The following EFCAB11 variants were observed in gnomAD, a reference collection of about 807,000 sequenced individuals.
EFCAB11 encodes the protein EF-hand calcium-binding domain-containing protein 11.
EFCAB11 carries 14 observed loss-of-function variants against 23.0 expected under a neutral mutation model. The observed-to-expected ratio is 0.61, with a 90% confidence interval of 0.40 to 0.95. The LOEUF (loss-of-function observed/expected upper bound fraction) is 0.95, where lower values mean the gene tolerates loss of function less well. Among genes scored for constraint, EFCAB11 ranks in the 40% least tolerant of loss-of-function variants. The probability of loss-of-function intolerance (pLI) is 0.00; values close to 1 mark genes in which losing one functional copy is unlikely to be tolerated. For missense variants in EFCAB11, 198 were observed against 195.8 expected, an observed-to-expected ratio of 1.01 and a Z score of -0.07; for synonymous variants, 65 against 66.6, an observed-to-expected ratio of 0.98 and a Z score of 0.11.
rs75150035 is a variant in EFCAB11 at position 89,837,009 on chromosome 14, G to A, written c.411-39685C>T. 615 of 455,530 alleles carry A rather than the reference G, an allele frequency of 1.4e-3. 7 individuals carry two copies. The highest frequency in any genetic ancestry group is 9.0e-3 in the South Asian group (581 of 64,474). 28.2% of individuals were successfully genotyped at this position (455,530 alleles called of 1,614,324 possible). On this transcript the variant is annotated intron_variant, in intron 5 of 5. Coordinates refer to ENST00000316738, the MANE Select transcript of EFCAB11 (RefSeq NM_145231.4). ...TGTACTCCAGCCTGGGCGACAGAGC[G>A]ATACACTTGCCTGAGAATCTGCACA...
chr14:89,843,204 AC>A (rs1238283006), intron 5 of EFCAB11, among the ~76,000 whole-genome samples: 1 of 152,128 alleles, frequency 6.6e-6, no homozygotes, highest in Non-Finnish European at 1.5e-5. Context: ...AAAACTGAGA[AC>A]TCTAGAAACT....
rs1332907226 is a variant in EFCAB11 at position 89,943,795 on chromosome 14, T to C, written c.217+6302A>G. Reference sequence around the variant, plus strand: ...TTGCTAGGCTATTTTACTCCTTTTCTTGAATGTTTGTGGTCTTGAGTTTCT... The same window carrying C: ...TTGCTAGGCTATTTTACTCCTTTTCCTGAATGTTTGTGGTCTTGAGTTTCT... On this transcript the variant is annotated intron_variant, in intron 3 of 5. Transcript: ENST00000316738. Among the ~76,000 whole-genome samples, 3 of 152,282 alleles carry C rather than the reference T, an allele frequency of 2.0e-5. No homozygotes were observed. The East Asian group carries it at 5.8e-4, about 29-fold the overall frequency.
At chr14:89,818,031 T>C (rs1441662748) in intron 5 of EFCAB11, among the ~76,000 whole-genome samples, 1 of 151,650 alleles carries the variant, frequency 6.6e-6, no homozygotes, top group African/African-American at 2.4e-5. Context: ...AAATAAAAAA[T>C]TGCAGTTGGG....
At chr14:89,857,511 C>CT (rs67661065) in intron 5 of EFCAB11, among the ~76,000 whole-genome samples, 111,247 of 151,776 alleles carry the variant, frequency 0.73, 41,305 homozygotes, top group Non-Finnish European at 0.81. Flanking sequence ...CCTGGTCTTT[C>CT]TTTTTTTTCT....
chr14:89,892,444 A>G (rs1889001938), intron 5 of EFCAB11: 2 of 1,543,962 alleles, frequency 1.3e-6, no homozygotes, highest in Non-Finnish European at 8.7e-7. Context: ...GCCAGTGTTG[A>G]CTCTAGGAGA....
chr14:89,905,198 G>A (rs1490520250), intron 5 of EFCAB11, among the ~76,000 whole-genome samples: 2 of 152,126 alleles, frequency 1.3e-5, no homozygotes, highest in African/African-American at 4.8e-5. Context: ...AAGGCTTGGA[G>A]GATTCACAGG....
At chr14:89,805,007 G>T (rs940437860) in intron 5 of EFCAB11, among the ~76,000 whole-genome samples, 7 of 152,176 alleles carry the variant, frequency 4.6e-5, no homozygotes, top group African/African-American at 1.7e-4. Flanking sequence ...GGATGCAGAG[G>T]TATAGTTATC....
chr14:89,930,208 C>T (rs1890342341), intron 5 of EFCAB11, among the ~76,000 whole-genome samples: 1 of 152,222 alleles, frequency 6.6e-6, no homozygotes, highest in Admixed American at 6.5e-5. Context: ...GTCAATGATG[C>T]AGCAAATGAA....
chr14:89,917,740 G>A (rs1889895422), intron 5 of EFCAB11, among the ~76,000 whole-genome samples: 1 of 152,180 alleles, frequency 6.6e-6, no homozygotes, highest in Non-Finnish European at 1.5e-5. Flanking sequence ...GCTTGGTTCT[G>A]TGACTTCTTT....
intron 5 of EFCAB11, among the ~76,000 whole-genome samples, chr14:89,912,827 T>C (rs1366653892): frequency 6.6e-6 from 1 of 152,234 alleles, no homozygotes; most frequent in Non-Finnish European, 1.5e-5. Flanking sequence ...GTGTACTCGA[T>C]TTCCATGGCA....
At chr14:89,900,150 TA>T (rs1278587243) in intron 5 of EFCAB11, among the ~76,000 whole-genome samples, 4 of 152,070 alleles carry the variant, frequency 2.6e-5, no homozygotes, top group African/African-American at 9.7e-5. Flanking sequence ...GTAGGGAGAA[TA>T]AATGAAAGAC....
At position 89,881,452 on chromosome 14, in the gene EFCAB11, C is replaced by CATATATATATATATATATATATACATAT. The variant is rs10530483; in HGVS notation, c.410+50088_410+50089insATATGTATATATATATATATATATATAT. On this transcript the variant is annotated intron_variant, in intron 5 of 5. Coordinates refer to ENST00000316738, the MANE Select transcript of EFCAB11 (RefSeq NM_145231.4). Reference sequence around the variant, plus strand: ...ATTTTTGGTCTACTTTATGACTTGGCATATATATATATATTCTTTTTTTTT... The same window carrying CATATATATATATATATATATATACATAT: ...ATTTTTGGTCTACTTTATGACTTGGCATATATATATATATATATATATACATATATATATATATATATTCTTTTTTTTT... Among the ~76,000 whole-genome samples, 414 of 46,732 alleles carry CATATATATATATATATATATATACATAT rather than the reference C, an allele frequency of 8.9e-3. 48 individuals are homozygous for CATATATATATATATATATATATACATAT. Among genetic ancestry groups the CATATATATATATATATATATATACATAT allele is most frequent in the Admixed American group, 0.04 (194 of 4,864 alleles). The allele number at this position is 46,732 out of a possible 152,430, so 30.7% of individuals were successfully genotyped here. A position where few individuals can be genotyped will look rare whatever the true frequency, so the allele number is the denominator to read the frequency against.
intron 5 of EFCAB11, among the ~76,000 whole-genome samples, chr14:89,823,992 T>C (rs1206302754): frequency 6.6e-6 from 1 of 151,804 alleles, no homozygotes; most frequent in Non-Finnish European, 1.5e-5. Flanking sequence ...TACCAGAAGG[T>C]TGAGGAAGAA....
chr14:89,836,686 GATTTT>G lies in EFCAB11; in HGVS notation c.411-39367_411-39363del. Reference sequence around the variant, plus strand: ...TCTGTCAGGGTAGAAAGATAAAACAGATTTTATTTAATAGTTTACCTTGATTTATA... The same window carrying G: ...TCTGTCAGGGTAGAAAGATAAAACAGATTTAATAGTTTACCTTGATTTATA... On this transcript the variant is annotated intron_variant, in intron 5 of 5. Transcript: ENST00000316738. 6.6e-6 allele frequency: 3 copies of G among 456,552 alleles called. 1 individual carries two copies. The highest frequency in any genetic ancestry group is 4.6e-5 in the South Asian group (3 of 64,562). 28.3% of individuals were successfully genotyped at this position (456,552 alleles called of 1,614,324 possible). A position where few individuals can be genotyped will look rare whatever the true frequency, so the allele number is the denominator to read the frequency against.
chr14:89,943,490 C>A (rs955428589), intron 3 of EFCAB11, among the ~76,000 whole-genome samples: 2 of 152,144 alleles, frequency 1.3e-5, no homozygotes, highest in African/African-American at 4.8e-5. Context: ...GATCCACCCA[C>A]CTTGGCCTCC....
At chr14:89,903,053 A>C (rs952945760) in intron 5 of EFCAB11, among the ~76,000 whole-genome samples, 1 of 152,212 alleles carries the variant, frequency 6.6e-6, no homozygotes, top group Non-Finnish European at 1.5e-5. Flanking sequence ...AGTCATTAGG[A>C]GGAAACAGCC....
At chr14:89,851,776 G>C (rs1015832109) in intron 5 of EFCAB11, among the ~76,000 whole-genome samples, 1 of 152,134 alleles carries the variant, frequency 6.6e-6, no homozygotes. Flanking sequence ...AGGAGCTTTG[G>C]GATCATCATA....
intron 3 of EFCAB11, among the ~76,000 whole-genome samples, chr14:89,947,468 C>T (rs1365941892): frequency 6.6e-6 from 1 of 152,214 alleles, no homozygotes; most frequent in Non-Finnish European, 1.5e-5. Context: ...CATCTACTCA[C>T]ATTGTCACAC....
At chr14:89,930,834 T>A (rs1257035928) in intron 5 of EFCAB11, among the ~76,000 whole-genome samples, 1 of 152,228 alleles carries the variant, frequency 6.6e-6, no homozygotes, top group Non-Finnish European at 1.5e-5. Flanking sequence ...TGAACGCTAA[T>A]GAATACACCT....
Sources: gnomAD v4.1 joint callset for allele counts (sites outside exome capture counted in the v4.1 genomes callset) on GRCh38, gnomAD v4.1.1 for gene constraint, MANE v1.5 for transcripts, NCBI Gene and HGNC (gene_info 2026-07-23, HGNC 2026-07-21) for gene names.